Variants in ARHGAP21 observed in about 807,000 individuals in gnomAD.
ARHGAP21 encodes rho GTPase-activating protein 21.
ARHGAP21 carries 38 observed loss-of-function variants against 164.6 expected under a neutral mutation model. That is an observed-to-expected ratio of 0.23 (90% CI 0.18 to 0.30). The LOEUF (loss-of-function observed/expected upper bound fraction) is 0.30. Ranked by LOEUF, ARHGAP21 falls within the 10% of genes least tolerant of loss-of-function variation. The pLI, the probability that ARHGAP21 is intolerant of heterozygous loss-of-function variation, is 1.00. For missense variants in ARHGAP21, 1,822 were observed against 2,370.7 expected, an observed-to-expected ratio of 0.77 and a Z score of 4.81; for synonymous variants, 766 against 857.9, an observed-to-expected ratio of 0.89 and a Z score of 1.87.
intron 2 of ARHGAP21, among the ~76,000 whole-genome samples, chr10:24,696,733 T>C (rs1391884684): frequency 6.6e-6 from 1 of 152,142 alleles, no homozygotes; most frequent in Non-Finnish European, 1.5e-5. Flanking sequence ...TGACAGACCA[T>C]GACAGAAGGG....
chr10:24,667,126 C>T, intron 3 of ARHGAP21, 117 bp from the exon 4 acceptor site: 1 of 517,676 alleles, frequency 1.9e-6, no homozygotes, highest in Non-Finnish European at 3.3e-6. Context: ...ATTACAATCT[C>T]ACTAACAATA....
intron 2 of ARHGAP21, among the ~76,000 whole-genome samples, chr10:24,688,727 C>T (rs1001771392): frequency 2.0e-5 from 3 of 152,156 alleles, no homozygotes; most frequent in Non-Finnish European, 4.4e-5. Context: ...TCATAGTCTG[C>T]TATTTCCAGG....
chr10:24,639,330 C>T (rs72784286), intron 4 of ARHGAP21, among the ~76,000 whole-genome samples: 22,738 of 152,072 alleles, frequency 0.15, 2,165 homozygotes, highest in Middle Eastern at 0.32. Flanking sequence ...GTATGTGCCC[C>T]CAGTTTACTG....
At chr10:24,709,750 A>C (rs546335381) in intron 2 of ARHGAP21, among the ~76,000 whole-genome samples, 75 of 151,460 alleles carry the variant, frequency 5.0e-4, no homozygotes, top group African/African-American at 1.6e-3. Flanking sequence ...AAAAAAAAAA[A>C]AAAACAATCC....
intron 15 of ARHGAP21, 110 bp from the exon 16 acceptor site, chr10:24,597,693 G>C: frequency 6.8e-7 from 1 of 1,469,358 alleles, no homozygotes; most frequent in Non-Finnish European, 9.2e-7. Context: ...AAAATTCTTG[G>C]AATAAACAAT....
At chr10:24,703,195 T>G (rs1565190269) in intron 2 of ARHGAP21, among the ~76,000 whole-genome samples, 1 of 152,204 alleles carries the variant, frequency 6.6e-6, no homozygotes, top group Non-Finnish European at 1.5e-5. Context: ...AAGGATTTAA[T>G]TAAGTAAACC....
At chr10:24,642,900 A>G (rs1276495823) in intron 4 of ARHGAP21, among the ~76,000 whole-genome samples, 1 of 152,202 alleles carries the variant, frequency 6.6e-6, no homozygotes, top group East Asian at 1.9e-4. Context: ...TGCTCAATAA[A>G]TGTTTGCTAA....
chr10:24,722,855 T>C (rs1309385650), intron 1 of ARHGAP21: 1 of 151,346 alleles, frequency 6.6e-6, no homozygotes, highest in Non-Finnish European at 1.5e-5. Flanking sequence ...CGGGGAGGCG[T>C]GCGCGGCCGC....
intron 19 of ARHGAP21, 135 bp from the exon 20 acceptor site, chr10:24,595,325 A>C (rs143446503): frequency 0.012 from 10,178 of 816,904 alleles, 79 homozygotes; most frequent in Middle Eastern, 0.017. Flanking sequence ...AATTTCTAAA[A>C]TGTAAGTTCC....
At chr10:24,611,833 A>T (rs2131052421) in intron 9 of ARHGAP21, among the ~76,000 whole-genome samples, 1 of 152,318 alleles carries the variant, frequency 6.6e-6, no homozygotes, top group African/African-American at 2.4e-5. Context: ...CTGTGAGCTA[A>T]CATTACTTCT....
chr10:24,644,088 C>G (rs533324623), intron 4 of ARHGAP21, among the ~76,000 whole-genome samples: 2 of 152,252 alleles, frequency 1.3e-5, no homozygotes, highest in Admixed American at 1.3e-4. Context: ...TCCCAGTTCA[C>G]TCAATTGCTA....
chr10:24,637,224 A>G (rs537138093), intron 4 of ARHGAP21, among the ~76,000 whole-genome samples: 1 of 152,368 alleles, frequency 6.6e-6, no homozygotes, highest in Non-Finnish European at 1.5e-5. Flanking sequence ...GTATTCAAGT[A>G]GACAGTCCAT....
intron 14 of ARHGAP21, among the ~76,000 whole-genome samples, chr10:24,599,097 A>G (rs190352707): frequency 1.1e-4 from 16 of 152,354 alleles, no homozygotes; most frequent in South Asian, 4.1e-4. Flanking sequence ...TTAGATGGTG[A>G]TGCTAATAGC....
At chr10:24,644,198 T>C (rs974610335) in intron 4 of ARHGAP21, among the ~76,000 whole-genome samples, 1 of 152,188 alleles carries the variant, frequency 6.6e-6, no homozygotes, top group Non-Finnish European at 1.5e-5. Flanking sequence ...GCCACCATAA[T>C]TCTCTCTTCT....
intron 2 of ARHGAP21, among the ~76,000 whole-genome samples, 172 bp from the exon 3 acceptor site, chr10:24,670,569 A>G (rs1470498248): frequency 6.6e-6 from 1 of 152,134 alleles, no homozygotes; most frequent in Non-Finnish European, 1.5e-5. Context: ...TATTATTATA[A>G]CAAAGCAAGC....
intron 8 of ARHGAP21, among the ~76,000 whole-genome samples, chr10:24,621,803 GTAC>G (rs1319045577): frequency 2.0e-5 from 3 of 151,694 alleles, no homozygotes; most frequent in East Asian, 3.9e-4. Flanking sequence ...TGCATTTTAA[GTAC>G]TACTACTATA....
At position 24,621,114 on chromosome 10, in the gene ARHGAP21, T is replaced by C; in HGVS notation, c.781A>G (p.Asn261Asp). 1 of 1,613,818 alleles carries C rather than the reference T, an allele frequency of 6.2e-7. No individual in the cohort carries two copies. The highest frequency in any genetic ancestry group is 2.2e-5 in the East Asian group (1 of 44,890). Residue 261 changes from asparagine to aspartate, a missense_variant, in exon 9 of 26, where the codon AAC becomes GAC. Transcript: ENST00000396432. ...PPSPTDVAKS[N>D]TAVCVCNESV... ...TCATTGCAAACACACACTGCTGTGT[T>C]TGATTTTGCAACATCTGTTGGTGAT... is the stretch of plus-strand genomic sequence containing the variant.
At chr10:24,656,396 G>A (rs1279223147) in intron 4 of ARHGAP21, among the ~76,000 whole-genome samples, 2 of 100,832 alleles carry the variant, frequency 2.0e-5, no homozygotes, top group Admixed American at 8.6e-5. Context: ...AGGTGGGGGG[G>A]TCAGCCCTCC....
rs193195496 is a variant in ARHGAP21 at position 24,607,746 on chromosome 10, G to A, written c.2580C>T (p.His860=). The A allele has an allele frequency of 3.3e-5, 53 of 1,613,820 alleles. No homozygotes were observed. The highest frequency in any genetic ancestry group is 1.0e-4 in the Admixed American group (6 of 59,982). The part of the protein sequence containing the change: ...PLIRRQLSHD[H]ESVGPPSLDA... Reference sequence around the variant, plus strand: ...TACAAAACCACCCTTTAGACGTACCGTGGTCATGTGAGAGCTGACGGCGAA... The same window carrying A: ...TACAAAACCACCCTTTAGACGTACCATGGTCATGTGAGAGCTGACGGCGAA... Residue 860 remains histidine, a splice_region_variant and synonymous_variant, in exon 10 of 26, where the codon CAC becomes CAT. Coordinates refer to ENST00000396432, the MANE Select transcript of ARHGAP21 (RefSeq NM_020824.4).
Sources: allele counts gnomAD v4.1 joint callset (sites outside exome capture counted in the v4.1 genomes callset), GRCh38; gene constraint gnomAD v4.1.1; transcripts MANE v1.5; gene names NCBI Gene and HGNC (gene_info 2026-07-23, HGNC 2026-07-21).